The following UPP2 variants were observed in gnomAD, a reference collection of about 807,000 sequenced individuals.
UPP2 encodes uridine phosphorylase 2.
UPP2 carries 23 observed loss-of-function variants against 26.7 expected under a neutral mutation model. That is an observed-to-expected ratio of 0.86 (90% CI 0.62 to 1.22). The LOEUF (loss-of-function observed/expected upper bound fraction) is 1.22, where lower values mean the gene tolerates loss of function less well. Ranked by LOEUF, UPP2 falls within the 50% of genes most tolerant of loss-of-function variation. UPP2 has a pLI of 0.00. For synonymous variants in UPP2, 127 were observed against 141.3 expected, an observed-to-expected ratio of 0.90 and a Z score of 0.72; for missense variants, 387 against 396.7, an observed-to-expected ratio of 0.98 and a Z score of 0.21.
At chr2:158,086,398 C>T (rs1253181509) in intron 3 of UPP2, among the ~76,000 whole-genome samples, 1 of 152,062 alleles carries the variant, frequency 6.6e-6, no homozygotes, top group Non-Finnish European at 1.5e-5. Flanking sequence ...CTTGTTTCAT[C>T]TCACTAGTGA....
At chr2:158,084,405 G>T (rs1327936879) in intron 3 of UPP2, among the ~76,000 whole-genome samples, 1 of 151,756 alleles carries the variant, frequency 6.6e-6, no homozygotes, top group African/African-American at 2.4e-5. Context: ...TTAGTCCTTT[G>T]TTGGATATAT....
chr2:158,051,176 TG>T (rs1682150632), intron 3 of UPP2, among the ~76,000 whole-genome samples: 1 of 150,550 alleles, frequency 6.6e-6, no homozygotes, highest in Non-Finnish European at 1.5e-5. Flanking sequence ...TGTGTGTGTG[TG>T]TGTGTGTGTG....
intron 3 of UPP2, among the ~76,000 whole-genome samples, chr2:158,089,728 A>T (rs1682876500): frequency 6.6e-6 from 1 of 152,152 alleles, no homozygotes; most frequent in South Asian, 2.1e-4. Flanking sequence ...AATTCATCTC[A>T]GCTCCAGGTA....
intron 3 of UPP2, among the ~76,000 whole-genome samples, chr2:158,051,185 GTGTGTGTGTGTGTA>G (rs1682151008): frequency 1.3e-5 from 2 of 150,424 alleles, no homozygotes; most frequent in East Asian, 3.9e-4. Context: ...GTGTGTGTGT[GTGTGTGTGTGTGTA>G]TGTGTGTATA....
Position 158,061,881 on chromosome 2 carries a change from C to T in UPP2, c.148-40159C>T, listed in dbSNP as rs530597735. On this transcript the variant is annotated intron_variant, in intron 3 of 9. Coordinates refer to the UPP2 transcript ENST00000605860. Reference sequence around the variant, plus strand: ...CCTAGCCCAGGTATCCACTAGCTCACTGATTCTTTCAGTGGCTTCTGTCCC... The same window carrying T: ...CCTAGCCCAGGTATCCACTAGCTCATTGATTCTTTCAGTGGCTTCTGTCCC... 7.9e-5 allele frequency among the ~76,000 whole-genome samples: 12 copies of T among 152,350 alleles called. No homozygotes were observed. The South Asian group carries it at 2.5e-3, about 32-fold the overall frequency.
At chr2:158,061,106 GCTAA>G (rs1403938038) in intron 3 of UPP2, among the ~76,000 whole-genome samples, 2 of 152,160 alleles carry the variant, frequency 1.3e-5, no homozygotes, top group South Asian at 2.1e-4. Context: ...ATGTGATCAG[GCTAA>G]CTATGTTAAT....
At chr2:157,995,353 G>GAAAACATCAACCACATAA in intron 2 of UPP2, 2 of 1,387,194 alleles carry the variant, frequency 1.4e-6, no homozygotes, top group Non-Finnish European at 2.0e-6. Flanking sequence ...GAATTATGTG[G>GAAAACATCAACCACATAA]TTGATGTTTT....
intron 3 of UPP2, among the ~76,000 whole-genome samples, chr2:158,041,768 C>T (rs1684084211): frequency 1.3e-5 from 2 of 152,288 alleles, no homozygotes; most frequent in Non-Finnish European, 2.9e-5. Flanking sequence ...GCTTTCCCAT[C>T]CGATGTTGGA....
chr2:158,089,914 G>A (rs1430544929), intron 3 of UPP2, among the ~76,000 whole-genome samples: 1 of 152,100 alleles, frequency 6.6e-6, no homozygotes, highest in Non-Finnish European at 1.5e-5. Context: ...GACTCTCTTG[G>A]CTGTTTCTGC....
chr2:158,003,197 G>T (rs56208040), intron 2 of UPP2, among the ~76,000 whole-genome samples: 1 of 151,996 alleles, frequency 6.6e-6, no homozygotes, highest in Non-Finnish European at 1.5e-5. Context: ...AAGGACTTTT[G>T]TGTTGGTGGA....
intron 3 of UPP2, among the ~76,000 whole-genome samples, chr2:158,033,288 G>A (rs1212136490): frequency 6.6e-6 from 1 of 152,128 alleles, no homozygotes; most frequent in Non-Finnish European, 1.5e-5. Flanking sequence ...CCACTCCCAG[G>A]GAGGTCTCTC....
At chr2:158,099,082 G>C (rs149794184), upstream of UPP2, among the ~76,000 whole-genome samples, 25 of 152,296 alleles carry the variant, frequency 1.6e-4, no homozygotes, top group Non-Finnish European at 3.1e-4. Flanking sequence ...CTTAGTATAT[G>C]TGTTTTAACA....
intron 3 of UPP2, among the ~76,000 whole-genome samples, chr2:158,080,947 A>G (rs1682715169): frequency 6.6e-6 from 1 of 152,176 alleles, no homozygotes; most frequent in Non-Finnish European, 1.5e-5. Context: ...TTTTAAAAGT[A>G]TTCATTTAAA....
intron 3 of UPP2, among the ~76,000 whole-genome samples, chr2:158,057,781 T>C (rs1201075666): frequency 1.3e-5 from 2 of 151,796 alleles, no homozygotes; most frequent in South Asian, 2.1e-4. Flanking sequence ...CAGGATGCTG[T>C]AGTAGTTTTC....
chr2:158,020,555 C>T (rs1683733331), intron 3 of UPP2, among the ~76,000 whole-genome samples: 2 of 152,212 alleles, frequency 1.3e-5, no homozygotes, highest in African/African-American at 4.8e-5. Context: ...GCCCACTGCT[C>T]ACACTCCCTG....
intron 6 of UPP2, among the ~76,000 whole-genome samples, chr2:158,125,108 G>C (rs145002134): frequency 6.6e-5 from 10 of 152,264 alleles, no homozygotes; most frequent in Middle Eastern, 3.4e-3. Context: ...AGTACACCAG[G>C]GAAGTGTGGC....
intron 3 of UPP2, among the ~76,000 whole-genome samples, chr2:158,042,972 G>T (rs907957561): frequency 6.6e-6 from 1 of 152,224 alleles, no homozygotes; most frequent in Admixed American, 6.5e-5. Context: ...AAAGAGCAAA[G>T]CCAAATGTTG....
chr2:158,039,330 C>T (rs1345207976), intron 3 of UPP2, among the ~76,000 whole-genome samples: 1 of 152,194 alleles, frequency 6.6e-6, no homozygotes, highest in East Asian at 1.9e-4. Context: ...GAGCAAGATT[C>T]TTCACCTCAG....
At chr2:158,102,710 G>A (rs1683102047) in intron 1 of UPP2, among the ~76,000 whole-genome samples, 1 of 152,144 alleles carries the variant, frequency 6.6e-6, no homozygotes, top group Non-Finnish European at 1.5e-5. Flanking sequence ...ATCATCATGA[G>A]GCATAAGGAG....
Sources: gnomAD v4.1 joint callset for allele counts (sites outside exome capture counted in the v4.1 genomes callset) on GRCh38, gnomAD v4.1.1 for gene constraint, MANE v1.5 for transcripts, NCBI Gene and HGNC (gene_info 2026-07-23, HGNC 2026-07-21) for gene names.